NPAS3: variants seen among roughly 807,000 people sequenced by gnomAD.
NPAS3 encodes the protein neuronal PAS domain protein 3.
In NPAS3, 14 loss-of-function variants were observed where a neutral mutation model predicts 73.1. The observed-to-expected ratio is 0.19, with a 90% CI of 0.13 to 0.30. The LOEUF (loss-of-function observed/expected upper bound fraction) is 0.30. NPAS3 is among the 10% of genes least tolerant of loss of function. The pLI is 1.00. For missense variants in NPAS3, 1,096 were observed against 1,250.0 expected (o/e 0.88, Z 1.86); for synonymous variants, 620 against 541.5 (o/e 1.14, Z -2.01).
intron 1 of NPAS3, among the ~76,000 whole-genome samples, chr14:33,055,082 A>C (rs571356078): frequency 4.6e-5 from 7 of 152,196 alleles, no homozygotes; most frequent in African/African-American, 1.2e-4. Context: ...ATTAAATGAC[A>C]TTACTTTCCT....
intron 3 of NPAS3, among the ~76,000 whole-genome samples, chr14:33,346,963 C>T (rs2044768144): frequency 6.6e-6 from 1 of 152,154 alleles, no homozygotes; most frequent in African/African-American, 2.4e-5. Context: ...CACAAGTACC[C>T]ATTTATCCCA....
intron 2 of NPAS3, among the ~76,000 whole-genome samples, chr14:33,101,518 T>C (rs2138889509): frequency 6.6e-6 from 1 of 152,278 alleles, no homozygotes; most frequent in Admixed American, 6.5e-5. Context: ...TTTAAACCTG[T>C]GTGTACTGTT....
chr14:33,641,633 G>GC (rs2058678587), intron 5 of NPAS3, among the ~76,000 whole-genome samples: 2 of 151,880 alleles, frequency 1.3e-5, no homozygotes, highest in African/African-American at 4.8e-5. Flanking sequence ...CTGATGGAGA[G>GC]CATCTAACCT....
chr14:33,221,602 A>G (rs947950781), intron 3 of NPAS3, among the ~76,000 whole-genome samples: 41 of 151,970 alleles, frequency 2.7e-4, no homozygotes, highest in African/African-American at 9.2e-4. Context: ...CTAGAGGGAG[A>G]GCTTGTCTCT....
intron 4 of NPAS3, among the ~76,000 whole-genome samples, chr14:33,443,314 A>T (rs1040247941): frequency 6.6e-6 from 1 of 152,200 alleles, no homozygotes; most frequent in African/African-American, 2.4e-5. Context: ...AAGATTTGTA[A>T]TGCATGCTTG....
intron 2 of NPAS3, among the ~76,000 whole-genome samples, chr14:33,130,468 AT>A (rs1325189527): frequency 6.6e-6 from 1 of 152,204 alleles, no homozygotes; most frequent in Non-Finnish European, 1.5e-5. Flanking sequence ...GATTGCATAA[AT>A]TAAGTAAAAT....
intron 5 of NPAS3, among the ~76,000 whole-genome samples, chr14:33,572,266 A>G (rs913532597): frequency 3.2e-4 from 48 of 152,120 alleles, no homozygotes; most frequent in African/African-American, 1.0e-3. Flanking sequence ...CTTCATATTT[A>G]TAGCCTCCTA....
chr14:33,364,350 G>A (rs528588030), intron 3 of NPAS3, among the ~76,000 whole-genome samples: 46 of 152,276 alleles, frequency 3.0e-4, no homozygotes, highest in African/African-American at 1.1e-3. Context: ...GATAGGATAA[G>A]TGCAAGATAA....
At chr14:33,474,613 A>G (rs1045110661) in intron 4 of NPAS3, among the ~76,000 whole-genome samples, 12 of 152,172 alleles carry the variant, frequency 7.9e-5, no homozygotes, top group Admixed American at 2.0e-4. Context: ...TCTTAAAGTT[A>G]CTTGTAGAGA....
chr14:33,529,276 T>C (rs1595092610), intron 4 of NPAS3, among the ~76,000 whole-genome samples: 1 of 152,070 alleles, frequency 6.6e-6, no homozygotes, highest in African/African-American at 2.4e-5. Flanking sequence ...GTTTCCCAAC[T>C]TCTCTTATCT....
At chr14:33,712,535 C>G (rs769567169) in intron 6 of NPAS3, among the ~76,000 whole-genome samples, 1 of 152,188 alleles carries the variant, frequency 6.6e-6, no homozygotes, top group African/African-American at 2.4e-5. Context: ...TAAGGACATT[C>G]AAGTTCGAGA....
At chr14:33,082,457 T>C (rs1288532490) in intron 2 of NPAS3, among the ~76,000 whole-genome samples, 1 of 152,260 alleles carries the variant, frequency 6.6e-6, no homozygotes, top group Non-Finnish European at 1.5e-5. Flanking sequence ...AAACCCTTTT[T>C]GTTACTCTTG....
chr14:33,093,774 G>C (rs950187613), intron 2 of NPAS3, among the ~76,000 whole-genome samples: 2 of 152,102 alleles, frequency 1.3e-5, no homozygotes, highest in African/African-American at 4.8e-5. Flanking sequence ...ATACACCATG[G>C]AATACTATGC....
exon 1 of NPAS3, chr14:32,939,357 G>T: frequency 1.4e-6 from 1 of 716,720 alleles, no homozygotes; most frequent in East Asian, 3.5e-5. Context: ...GATCCTTCCA[G>T]GCGAGAACGG....
At chr14:33,125,282 A>T (rs1314242837) in intron 2 of NPAS3, among the ~76,000 whole-genome samples, 1 of 152,142 alleles carries the variant, frequency 6.6e-6, no homozygotes, top group Non-Finnish European at 1.5e-5. Context: ...ATGAGATATG[A>T]TTTAACTCTG....
intron 2 of NPAS3, among the ~76,000 whole-genome samples, chr14:33,188,424 A>G (rs1186765901): frequency 6.6e-6 from 1 of 152,200 alleles, no homozygotes; most frequent in East Asian, 1.9e-4. Context: ...AGAGAATTGG[A>G]GTCCTATTAT....
At chr14:33,644,015 T>C (rs1172663895) in intron 5 of NPAS3, among the ~76,000 whole-genome samples, 1 of 152,222 alleles carries the variant, frequency 6.6e-6, no homozygotes, top group Non-Finnish European at 1.5e-5. Flanking sequence ...ATTTTCTGCT[T>C]CATGCAAATT....
At chr14:33,382,474 A>G (rs553185817) in intron 4 of NPAS3, among the ~76,000 whole-genome samples, 2 of 152,076 alleles carry the variant, frequency 1.3e-5, no homozygotes, top group South Asian at 4.1e-4. Context: ...CATTTATGAG[A>G]TTATTCATTT....
intron 1 of NPAS3, among the ~76,000 whole-genome samples, chr14:33,017,113 G>C (rs2138228107): frequency 6.6e-6 from 1 of 152,238 alleles, no homozygotes; most frequent in Non-Finnish European, 1.5e-5. Context: ...GGAATTTTCA[G>C]CTGGGACTTT....
Sources: gnomAD v4.1 joint callset for allele counts (sites outside exome capture counted in the v4.1 genomes callset) on GRCh38, gnomAD v4.1.1 for gene constraint, MANE v1.5 for transcripts, NCBI Gene and HGNC (gene_info 2026-07-23, HGNC 2026-07-21) for gene names.